Variants in DTNA observed in about 807,000 individuals in gnomAD.
The protein encoded by DTNA is dystrophin-related protein 3.
DTNA carries 43 observed loss-of-function variants against 100.7 expected under a neutral mutation model. The ratio of observed to expected loss-of-function variants is 0.43; its 90% CI spans 0.33 to 0.55. The LOEUF (loss-of-function observed/expected upper bound fraction) is 0.55, where lower values mean the gene tolerates loss of function less well. Among genes scored for constraint, DTNA ranks in the 20% least tolerant of loss-of-function variants. The pLI, the probability that DTNA is intolerant of heterozygous loss-of-function variation, is 0.04. For missense variants in DTNA, 798 were observed against 953.9 expected (o/e 0.84, Z 2.15); for synonymous variants, 349 against 347.9 (o/e 1.00, Z -0.04).
chr18:34,535,552 T>C (rs1417038941), intron 1 of DTNA, among the ~76,000 whole-genome samples: 11 of 151,990 alleles, frequency 7.2e-5, no homozygotes, highest in Admixed American at 2.0e-4. Flanking sequence ...GTGTTTTAGT[T>C]ATTAAGTCTT....
intron 21 of DTNA, 81 bp from the exon 22 acceptor site, chr18:34,884,646 TC>T: frequency 1.4e-6 from 2 of 1,478,512 alleles, no homozygotes; most frequent in Non-Finnish European, 1.9e-6. Flanking sequence ...GTGCATGGCT[TC>T]CCGCCAAATA....
intron 1 of DTNA, among the ~76,000 whole-genome samples, chr18:34,696,154 G>T (rs1355952964): frequency 6.6e-6 from 1 of 152,098 alleles, no homozygotes; most frequent in African/African-American, 2.4e-5. Flanking sequence ...GACTTTCAAA[G>T]CCCCAGGATA....
intron 1 of DTNA, among the ~76,000 whole-genome samples, chr18:34,547,551 G>T (rs2145864904): frequency 6.6e-6 from 1 of 152,108 alleles, no homozygotes; most frequent in Non-Finnish European, 1.5e-5. Flanking sequence ...ATTACACATT[G>T]CCCTTATACT....
intron 3 of DTNA, 95 bp downstream of exon 3, chr18:34,766,136 T>C: frequency 7.6e-7 from 1 of 1,320,804 alleles, no homozygotes; most frequent in African/African-American, 1.5e-5. Flanking sequence ...TTACAAATAT[T>C]GCTAATATTG....
chr18:34,863,552 T>G (rs1157720705), intron 16 of DTNA, among the ~76,000 whole-genome samples: 2 of 152,230 alleles, frequency 1.3e-5, no homozygotes, highest in Non-Finnish European at 2.9e-5. Context: ...TAATCAATAT[T>G]TTCTGTGAAT....
At position 34,733,225 on chromosome 18, in the gene DTNA, C is replaced by T. The variant is rs916357607; in HGVS notation, c.-1-22751C>T. 2.6e-5 allele frequency among the ~76,000 whole-genome samples: 4 copies of T among 152,104 alleles called. No individual in the cohort carries two copies. In the East Asian group the frequency reaches 7.7e-4, roughly 29 times the overall value. ...AAAAGGAGCCAGCCTCCCCTTCATT[C>T]GAAGGCTTCTGGGTCTGCAAACTGG... On this transcript the variant is annotated intron_variant, in intron 1 of 22. Coordinates refer to ENST00000444659, the MANE Select transcript of DTNA (RefSeq NM_001386795.1).
rs1311902986 is a variant in DTNA at position 34,771,225 on chromosome 18, C to T, written c.148+5184C>T. Among the ~76,000 whole-genome samples, 3 of 152,142 alleles carry T rather than the reference C, an allele frequency of 2.0e-5. No homozygotes were observed. In the East Asian group the frequency reaches 5.8e-4, roughly 29 times the overall value. On this transcript the variant is annotated intron_variant, in intron 3 of 22. Transcript: ENST00000444659. ...TATAAAAGACACTTGTAAGTCCAGG[C>T]GTGGTGGCTCACACCTGTATTCCCA...
chr18:34,867,830 C>T (rs1430435651), intron 17 of DTNA: 8 of 985,598 alleles, frequency 8.1e-6, no homozygotes, highest in Non-Finnish European at 6.0e-6. Flanking sequence ...CTCCTCTCCA[C>T]CAAGCCCCTC....
rs541876590 is a variant in DTNA at position 34,606,832 on chromosome 18, G to T, written c.-2+113318G>T. Among the ~76,000 whole-genome samples, 4 of 152,204 alleles carry T rather than the reference G, an allele frequency of 2.6e-5. No individual in the cohort carries two copies. The East Asian group carries it at 7.7e-4, about 29-fold the overall frequency. ...CCCAACAGTTTGGTGTTATAATAGG[G>T]TGAACTCTGAGGCTAAAATGAAAGG... On this transcript the variant is annotated intron_variant, in intron 1 of 19. Transcript: ENST00000283365.
intron 1 of DTNA, among the ~76,000 whole-genome samples, chr18:34,648,326 C>T (rs576791085): frequency 3.9e-5 from 6 of 152,074 alleles, no homozygotes; most frequent in Non-Finnish European, 8.8e-5. Flanking sequence ...ATTATATTTT[C>T]ATTTTAAAAG....
At chr18:34,567,116 C>T (rs144687041) in intron 1 of DTNA, among the ~76,000 whole-genome samples, 1 of 152,204 alleles carries the variant, frequency 6.6e-6, no homozygotes, top group East Asian at 1.9e-4. Flanking sequence ...TGATATTCCC[C>T]CACAAAATTT....
At chr18:34,497,618 C>T (rs2039395259) in intron 1 of DTNA, among the ~76,000 whole-genome samples, 1 of 151,878 alleles carries the variant, frequency 6.6e-6, no homozygotes, top group Non-Finnish European at 1.5e-5. Flanking sequence ...CAGAATCTTA[C>T]TGCTGAATTA....
At chr18:34,789,537 G>A (rs962033258) in intron 3 of DTNA, among the ~76,000 whole-genome samples, 1 of 152,068 alleles carries the variant, frequency 6.6e-6, no homozygotes, top group Non-Finnish European at 1.5e-5. Context: ...CTGATCACCC[G>A]TTTGTGTGAT....
intron 1 of DTNA, among the ~76,000 whole-genome samples, chr18:34,717,627 A>G (rs1363699492): frequency 6.6e-6 from 1 of 152,172 alleles, no homozygotes; most frequent in Non-Finnish European, 1.5e-5. Flanking sequence ...GACATTGAAA[A>G]GATAGTAGTA....
At chr18:34,665,571 C>A (rs184848364) in intron 1 of DTNA, among the ~76,000 whole-genome samples, 32 of 152,254 alleles carry the variant, frequency 2.1e-4, no homozygotes, top group East Asian at 1.9e-3. Flanking sequence ...TATCCCTCCC[C>A]ACTCCCTCCA....
intron 1 of DTNA, among the ~76,000 whole-genome samples, chr18:34,630,101 G>A (rs1016721049): frequency 6.6e-6 from 1 of 152,026 alleles, no homozygotes; most frequent in African/African-American, 2.4e-5. Flanking sequence ...CTCTACCTCA[G>A]TTATCACCAC....
At chr18:34,713,197 A>C (rs2146576662) in intron 1 of DTNA, among the ~76,000 whole-genome samples, 1 of 152,292 alleles carries the variant, frequency 6.6e-6, no homozygotes, top group Admixed American at 6.5e-5. Flanking sequence ...TTGGAGAATA[A>C]GATAGATTAG....
At chr18:34,872,591 T>C (rs531918128) in intron 17 of DTNA, among the ~76,000 whole-genome samples, 1 of 152,316 alleles carries the variant, frequency 6.6e-6, no homozygotes, top group South Asian at 2.1e-4. Context: ...TTTTTTGGCT[T>C]TCAGAATTGC....
chr18:34,599,835 G>A (rs555654485), intron 1 of DTNA, among the ~76,000 whole-genome samples: 3 of 151,974 alleles, frequency 2.0e-5, no homozygotes, highest in Non-Finnish European at 4.4e-5. Context: ...CCGCCACCAC[G>A]CCTAGCTAAT....
Sources: allele counts gnomAD v4.1 joint callset (sites outside exome capture counted in the v4.1 genomes callset), GRCh38; gene constraint gnomAD v4.1.1; transcripts MANE v1.5; gene names NCBI Gene and HGNC (gene_info 2026-07-23, HGNC 2026-07-21).